Variants in SYTL4 observed in about 807,000 individuals in gnomAD.
SYTL4 encodes the protein synaptotagmin-like protein 4.
In SYTL4, 16 loss-of-function variants were observed where a neutral mutation model predicts 52.7. That is an observed-to-expected ratio of 0.30 (90% CI 0.21 to 0.46). The LOEUF (loss-of-function observed/expected upper bound fraction) is 0.46. SYTL4 is among the 20% of genes least tolerant of loss of function. The probability of loss-of-function intolerance (pLI) is 1.00; values close to 1 mark genes in which losing one functional copy is unlikely to be tolerated. For synonymous variants in SYTL4, 160 were observed against 186.6 expected (o/e 0.86, Z 1.16); for missense variants, 423 against 519.9 (o/e 0.81, Z 1.81).
chrX:100,686,516 CTCT>C, intron 15 of SYTL4, 160 bp downstream of exon 15: 1 of 432,423 alleles, frequency 2.3e-6, no homozygotes, highest in Non-Finnish European at 4.0e-6. Flanking sequence ...CACCTTTGTT[CTCT>C]TCACTGGGAG....
Position 100,702,315 on chromosome X carries a change from G to A in SYTL4, c.-70-208C>T, listed in dbSNP as rs745701809. ...ATTTTTCAGAAAGAAAAAGTTATTC[G>A]TGACTCTGGGAAAAGGATTGGTTAT... On this transcript the variant is annotated intron_variant, in intron 4 of 19. Transcript: ENST00000372989. 1.5e-4 allele frequency among the ~76,000 whole-genome samples: 17 copies of A among 112,056 alleles called. No individual in the cohort carries two copies. In the South Asian group the frequency reaches 3.8e-3, roughly 25 times the overall value.
Position 100,678,403 on chromosome X carries a change from C to T in SYTL4, c.1855G>A (p.Gly619Ser). Residue 619 changes from glycine to serine, a missense_variant, in exon 19 of 20, where the codon GGT (glycine) becomes AGT (serine). Gly to Ser is a moderately conservative substitution (Grantham distance 56). Coordinates refer to ENST00000372989, the MANE Select transcript of SYTL4 (RefSeq NM_001370165.1). ...GAGGGGATCTCACCAGTGCCAACAC[C>T]CAGCCTGACCCCTCCCAGGAAGTCA... is the stretch of plus-strand genomic sequence containing the variant. ...SNDFLGGVRL[G>S]VGTGISNGEV... The T allele has an allele frequency of 1.7e-6, 2 of 1,208,672 alleles. No homozygotes were observed. Among genetic ancestry groups the T allele is most frequent in the East Asian group, 3.0e-5 (1 of 33,822 alleles).
intron 16 of SYTL4, 189 bp downstream of exon 16, chrX:100,685,801 G>T: frequency 4.7e-6 from 2 of 425,432 alleles, no homozygotes; most frequent in Non-Finnish European, 7.5e-6. Context: ...ACTTTGCCTG[G>T]TTTACACAGA....
intron 16 of SYTL4, 175 bp downstream of exon 16, chrX:100,685,815 C>CA: frequency 2.1e-6 from 1 of 470,374 alleles, no homozygotes; most frequent in East Asian, 3.9e-5. Context: ...ACACAGAACT[C>CA]ACACTTGATA....
At chrX:100,728,115 C>T (rs1169553754) in intron 2 of SYTL4, among the ~76,000 whole-genome samples, 2 of 111,973 alleles carry the variant, frequency 1.8e-5, no homozygotes, top group Non-Finnish European at 3.8e-5. Flanking sequence ...AGTCCAGGGA[C>T]TGAACCCCAG....
At chrX:100,698,041 G>A (rs2083739759) in intron 8 of SYTL4, among the ~76,000 whole-genome samples, 1 of 112,284 alleles carries the variant, frequency 8.9e-6, no homozygotes, top group Non-Finnish European at 1.9e-5. Flanking sequence ...ATCACATATA[G>A]GGAAAAATGA....
intron 2 of SYTL4, among the ~76,000 whole-genome samples, chrX:100,726,805 T>G (rs1281680431): frequency 1.8e-5 from 2 of 111,642 alleles, no homozygotes; most frequent in Non-Finnish European, 3.8e-5. Flanking sequence ...TTATATAAAT[T>G]TATGGGGTAC....
Position 100,675,915 on chromosome X carries a change from C to CACAT in SYTL4, c.*112_*113insATGT. 1 of 651,862 alleles carries CACAT rather than the reference C, an allele frequency of 1.5e-6. No homozygotes were observed. The highest frequency in any genetic ancestry group is 2.2e-6 in the Non-Finnish European group (1 of 446,215). 53.7% of individuals were successfully genotyped at this position (651,862 alleles called of 1,213,427 possible). Reference sequence around the variant, plus strand: ...ACACATACACACACACACACACACACACACATACACACATACACACATACA... The same window carrying CACAT: ...ACACATACACACACACACACACACACACATACACATACACACATACACACATACA... On this transcript the variant is annotated 3_prime_UTR_variant, in exon 20 of 20. Transcript: ENST00000372989.
At chrX:100,722,017 G>C (rs972071529) in intron 2 of SYTL4, among the ~76,000 whole-genome samples, 6 of 109,842 alleles carry the variant, frequency 5.5e-5, no homozygotes, top group African/African-American at 2.0e-4. Flanking sequence ...GGCCAGACTG[G>C]TCTCGAGCTC....
intron 16 of SYTL4, 90 bp from the exon 17 acceptor site, chrX:100,681,425 A>G: frequency 3.1e-6 from 2 of 650,257 alleles, no homozygotes; most frequent in South Asian, 2.8e-5. Context: ...ATTACCCCCC[A>G]AGAACAGCAT....
chrX:100,724,248 G>C (rs1219504146), intron 2 of SYTL4, among the ~76,000 whole-genome samples: 4 of 105,273 alleles, frequency 3.8e-5, no homozygotes, highest in Non-Finnish European at 5.9e-5. Context: ...AGGGAGGTGG[G>C]GGGGGTCAGC....
At chrX:100,717,269 G>T (rs1241343558) in intron 2 of SYTL4, among the ~76,000 whole-genome samples, 1 of 111,689 alleles carries the variant, frequency 9.0e-6, no homozygotes, top group Non-Finnish European at 1.9e-5. Context: ...AAAAAACATG[G>T]TAACCAAAGA....
At chrX:100,689,733 T>C (rs1468677674) in intron 12 of SYTL4, 123 bp downstream of exon 12, 3 of 355,948 alleles carry the variant, frequency 8.4e-6, no homozygotes, top group Non-Finnish European at 1.5e-5. Flanking sequence ...CTTGGGGGTA[T>C]CAAGTTTCAT....
intron 2 of SYTL4, among the ~76,000 whole-genome samples, chrX:100,715,955 A>G (rs1424986657): frequency 3.7e-5 from 4 of 107,112 alleles, no homozygotes; most frequent in African/African-American, 1.4e-4. Flanking sequence ...CAAAAAAAAA[A>G]AAAAAAAAAA....
At chrX:100,678,348 C>T (rs1263656699) in intron 19 of SYTL4, 43 bp downstream of exon 19, 1 of 1,052,770 alleles carries the variant, frequency 9.5e-7, no homozygotes, top group Non-Finnish European at 1.3e-6. Context: ...GTAAAATAGA[C>T]AAGAAGCCTT....
At chrX:100,698,865 G>T (rs922394288) in intron 8 of SYTL4, among the ~76,000 whole-genome samples, 2 of 112,038 alleles carry the variant, frequency 1.8e-5, no homozygotes, top group East Asian at 2.8e-4. Context: ...ATGGTTTATG[G>T]TTATATAAGA....
At chrX:100,683,808 A>G (rs188556420) in intron 16 of SYTL4, among the ~76,000 whole-genome samples, 21 of 112,324 alleles carry the variant, frequency 1.9e-4, no homozygotes, top group Non-Finnish European at 3.8e-4. Context: ...GGAGTTTAGC[A>G]TTAGCTAGAA....
chrX:100,728,852 A>G (rs1484826760), intron 2 of SYTL4, among the ~76,000 whole-genome samples: 1 of 110,869 alleles, frequency 9.0e-6, no homozygotes, highest in Non-Finnish European at 1.9e-5. Context: ...CCTGGCTAAC[A>G]CGGTGAAATC....
In SYTL4 at chrX:100,701,458, A is replaced by G; in HGVS notation, c.326T>C (p.Ile109Thr). Residue 109 changes from isoleucine to threonine, a missense_variant and splice_region_variant, in exon 6 of 20, where the codon ATA (isoleucine) becomes ACA (threonine). Coordinates refer to ENST00000372989, the MANE Select transcript of SYTL4 (RefSeq NM_001370165.1). ...TWRCKVCAKE[I>T]ELKKATGDWF... ...CTACTCAGCCATAGGTGACACTCAC[A>G]TTTCCTTGGCGCACACCTTGCACCT... 8.3e-7 allele frequency: 1 copy of G among 1,210,893 alleles called. No individual in the cohort carries two copies.
Sources: gnomAD v4.1 joint callset for allele counts (sites outside exome capture counted in the v4.1 genomes callset) on GRCh38, gnomAD v4.1.1 for gene constraint, MANE v1.5 for transcripts, NCBI Gene and HGNC (gene_info 2026-07-23, HGNC 2026-07-21) for gene names.